Variants in CD2AP observed in about 807,000 individuals in gnomAD.
CD2AP encodes the protein CD2-associated protein.
Under a neutral mutation model 85.1 loss-of-function variants are expected in CD2AP, and 46 were observed. The observed-to-expected ratio is 0.54, with a 90% CI of 0.43 to 0.69. The LOEUF is 0.69. Ranked by LOEUF, CD2AP falls within the 30% of genes least tolerant of loss-of-function variation. The pLI is 0.00. For missense variants in CD2AP, 769 were observed against 729.5 expected, an observed-to-expected ratio of 1.05 and a Z score of -0.62; for synonymous variants, 255 against 252.9, an observed-to-expected ratio of 1.01 and a Z score of -0.08.
At chr6:47,501,895 T>C (rs1023093526) in intron 1 of CD2AP, among the ~76,000 whole-genome samples, 2 of 152,250 alleles carry the variant, frequency 1.3e-5, no homozygotes, top group Non-Finnish European at 2.9e-5. Flanking sequence ...GTTTGTTTTC[T>C]GTTTTTACAT....
At chr6:47,606,444 C>CA (rs1301486385) in intron 14 of CD2AP, among the ~76,000 whole-genome samples, 167 bp downstream of exon 14, 1 of 151,990 alleles carries the variant, frequency 6.6e-6, no homozygotes, top group Non-Finnish European at 1.5e-5. Flanking sequence ...GAGGTGTGTT[C>CA]ATTCCAACAG....
rs564491961 is a variant in CD2AP, at chr6:47,622,330, C to G, written c.1879-1856C>G. On this transcript the variant is annotated intron_variant, in intron 17 of 17. Coordinates refer to ENST00000359314, the MANE Select transcript of CD2AP (RefSeq NM_012120.3). ...TGTGGAGTCTGCAAACCAGATTTGC[C>G]GCCCTACCCAGAGTTGTGGCCTGGA... Among the ~76,000 whole-genome samples, 13 of 152,254 alleles carry G rather than the reference C, an allele frequency of 8.5e-5. No homozygotes were observed. In the South Asian group the frequency reaches 1.5e-3, roughly 17 times the overall value.
chr6:47,497,272 T>C (rs941771408), intron 1 of CD2AP, among the ~76,000 whole-genome samples: 2 of 151,058 alleles, frequency 1.3e-5, no homozygotes, highest in African/African-American at 4.9e-5. Flanking sequence ...CTTCCTTTTT[T>C]CCCTTCCTTT....
intron 1 of CD2AP, among the ~76,000 whole-genome samples, chr6:47,491,259 ATGTGTGTGTGTATGTG>A (rs1014157070): frequency 1.7e-4 from 21 of 120,848 alleles, no homozygotes; most frequent in South Asian, 5.2e-4. Context: ...TCTTCCTGAT[ATGTGTGTGTGTATGTG>A]TGTGTGTGTG....
intron 5 of CD2AP, 69 bp downstream of exon 5, chr6:47,554,835 T>C: frequency 7.0e-7 from 1 of 1,433,560 alleles, no homozygotes. Context: ...TTTTATTTTG[T>C]ATTTTTTGAA....
At chr6:47,578,179 G>A (rs185022100) in intron 8 of CD2AP, among the ~76,000 whole-genome samples, 1 of 152,072 alleles carries the variant, frequency 6.6e-6, no homozygotes, top group East Asian at 1.9e-4. Flanking sequence ...AAGAAACTTA[G>A]AAGGTCTTGT....
intron 17 of CD2AP, among the ~76,000 whole-genome samples, chr6:47,623,700 A>T (rs1328803803): frequency 1.3e-5 from 2 of 152,180 alleles, no homozygotes; most frequent in Non-Finnish European, 2.9e-5. Flanking sequence ...TGTAGTATAT[A>T]CTGGTTACAG....
At chr6:47,577,656 CTATAATAACTAGTA>C (rs1331068206) in intron 8 of CD2AP, among the ~76,000 whole-genome samples, 1 of 152,246 alleles carries the variant, frequency 6.6e-6, no homozygotes, top group East Asian at 1.9e-4. Context: ...GGGCAGAATC[CTATAATAACTAGTA>C]TTATGGGAAA....
chr6:47,588,141 G>A (rs773353818), intron 11 of CD2AP, among the ~76,000 whole-genome samples: 1 of 151,994 alleles, frequency 6.6e-6, no homozygotes, highest in Non-Finnish European at 1.5e-5. Flanking sequence ...ATCTTTCATG[G>A]CCAGGTTTTT....
intron 2 of CD2AP, among the ~76,000 whole-genome samples, chr6:47,526,188 G>C (rs1405358809): frequency 6.6e-6 from 1 of 152,152 alleles, no homozygotes; most frequent in African/African-American, 2.4e-5. Context: ...GATAGCCAAA[G>C]AGTAGTCTGG....
At chr6:47,539,126 A>G (rs1395660379) in intron 3 of CD2AP, among the ~76,000 whole-genome samples, 1 of 152,218 alleles carries the variant, frequency 6.6e-6, no homozygotes, top group East Asian at 1.9e-4. Flanking sequence ...AGGGGCGAAC[A>G]TCAAGTTACT....
intron 1 of CD2AP, among the ~76,000 whole-genome samples, chr6:47,497,089 C>T (rs1459509251): frequency 2.0e-5 from 3 of 151,416 alleles, no homozygotes; most frequent in Non-Finnish European, 2.9e-5. Context: ...TTTTGCTGTA[C>T]GATAATTTGA....
rs1182260027 is a variant in CD2AP at position 47,515,002 on chromosome 6, A to G, written c.165+11562A>G. The stretch of plus-strand genomic sequence containing the variant: ...AGGAGGCGGAGGTTGCAGTGAGCCA[A>G]GATCACTCCACTGCACTCCAGCCTG... On this transcript the variant is annotated intron_variant, in intron 2 of 17. Coordinates refer to ENST00000359314, the MANE Select transcript of CD2AP (RefSeq NM_012120.3). 3.3e-5 allele frequency among the ~76,000 whole-genome samples: 5 copies of G among 152,002 alleles called. No individual in the cohort carries two copies. The East Asian group carries it at 9.6e-4, about 29-fold the overall frequency.
chr6:47,543,329 C>A (rs1767282271), intron 3 of CD2AP, among the ~76,000 whole-genome samples: 1 of 151,936 alleles, frequency 6.6e-6, no homozygotes, highest in Non-Finnish European at 1.5e-5. Flanking sequence ...TAGGGTATTC[C>A]ATTTTCAAGG....
chr6:47,555,032 A>G (rs906284430), intron 5 of CD2AP, among the ~76,000 whole-genome samples: 8 of 152,178 alleles, frequency 5.3e-5, no homozygotes, highest in Non-Finnish European at 8.8e-5. Flanking sequence ...ATCTTAGGTT[A>G]TCTGATTTCT....
intron 2 of CD2AP, among the ~76,000 whole-genome samples, chr6:47,508,569 G>C (rs190020089): frequency 7.0e-6 from 1 of 142,112 alleles, no homozygotes; most frequent in African/African-American, 2.7e-5. Context: ...TTTTTGGGAC[G>C]GAGTCTCGCT....
intron 2 of CD2AP, among the ~76,000 whole-genome samples, chr6:47,531,589 C>G (rs1018828499): frequency 6.6e-6 from 1 of 151,278 alleles, no homozygotes; most frequent in Non-Finnish European, 1.5e-5. Flanking sequence ...CTCTCTGGTC[C>G]TCAGTTTCCT....
intron 9 of CD2AP, 63 bp from the exon 10 acceptor site, chr6:47,580,801 G>A (rs1242529693): frequency 5.4e-6 from 6 of 1,104,176 alleles, no homozygotes; most frequent in Non-Finnish European, 8.3e-6. Context: ...ACTAATTAGA[G>A]TTTATTTTAA....
chr6:47,539,038 C>T (rs192211656), intron 3 of CD2AP, among the ~76,000 whole-genome samples: 1 of 152,140 alleles, frequency 6.6e-6, no homozygotes, highest in East Asian at 1.9e-4. Flanking sequence ...TCATGAGAAA[C>T]AATATTGGTC....
Sources: allele counts gnomAD v4.1 joint callset (sites outside exome capture counted in the v4.1 genomes callset), GRCh38; gene constraint gnomAD v4.1.1; transcripts MANE v1.5; gene names NCBI Gene and HGNC (gene_info 2026-07-23, HGNC 2026-07-21).